Variants in DNAJC10 observed in about 807,000 individuals in gnomAD.
DNAJC10 encodes endoplasmic reticulum disulfide reductase DNAJC10.
In DNAJC10, 101 loss-of-function variants were observed where a neutral mutation model predicts 115.0. The ratio of observed to expected loss-of-function variants is 0.88; its 90% CI spans 0.75 to 1.04. The LOEUF (loss-of-function observed/expected upper bound fraction) is 1.04, where lower values mean the gene tolerates loss of function less well. Ranked by LOEUF, DNAJC10 falls within the 50% of genes least tolerant of loss-of-function variation. DNAJC10 has a pLI of 0.00. For synonymous variants in DNAJC10, 307 were observed against 301.5 expected (o/e 1.02, Z -0.19); for missense variants, 981 against 928.8 (o/e 1.06, Z -0.73).
At chr2:182,720,462 G>GT (rs1693122901) in intron 4 of DNAJC10, among the ~76,000 whole-genome samples, 1 of 152,122 alleles carries the variant, frequency 6.6e-6, no homozygotes, top group Admixed American at 6.5e-5. Context: ...ACAATGGATT[G>GT]TATGTAGGAC....
At chr2:182,733,371 C>T (rs570383382) in intron 10 of DNAJC10, among the ~76,000 whole-genome samples, 35 of 151,798 alleles carry the variant, frequency 2.3e-4, no homozygotes, top group Non-Finnish European at 4.3e-4. Context: ...TTATTTCACC[C>T]TATGCCTAGG....
Position 182,779,893 on chromosome 2 carries a change from A to G in DNAJC10, c.*2761A>G, listed in dbSNP as rs1694804653. 1 of 152,196 alleles carries G rather than the reference A, an allele frequency of 6.6e-6. No homozygotes were observed. Among genetic ancestry groups the G allele is most frequent in the African/African-American group, 2.4e-5 (1 of 41,444 alleles). 9.4% of individuals were successfully genotyped at this position (152,196 alleles called of 1,614,324 possible). A position where few individuals can be genotyped will look rare whatever the true frequency, so the allele number is the denominator to read the frequency against. The stretch of plus-strand genomic sequence containing the variant: ...AGGGTAGCACTTTTAAGTCATTTGA[A>G]TAGAATATTTGTGTAATATTTAGTC... On this transcript the variant is annotated 3_prime_UTR_variant, in exon 24 of 24. Coordinates refer to ENST00000264065, the MANE Select transcript of DNAJC10 (RefSeq NM_018981.4).
rs1458679460 is a variant in DNAJC10, at chr2:182,767,677, G to T, written c.2265+4876G>T. ...AGCTGAGCAGGGCCGGTGAGGGGGT[G>T]GGGGGCAGCTCTTCTAAGAGAGTCC... On this transcript the variant is annotated intron_variant, in intron 22 of 23. Coordinates refer to ENST00000264065, the MANE Select transcript of DNAJC10 (RefSeq NM_018981.4). Among the ~76,000 whole-genome samples the T allele has an allele frequency of 1.1e-4, 17 of 152,120 alleles. No homozygotes were observed. In the East Asian group the frequency reaches 3.1e-3, roughly 28 times the overall value.
At chr2:182,756,830 G>A (rs1381866881) in intron 18 of DNAJC10, among the ~76,000 whole-genome samples, 1 of 152,086 alleles carries the variant, frequency 6.6e-6, no homozygotes, top group Admixed American at 6.5e-5. Flanking sequence ...GTAGAAACAG[G>A]GTTTTGCCAT....
chr2:182,728,432 A>G, intron 5 of DNAJC10, 144 bp from the exon 6 acceptor site: 3 of 549,788 alleles, frequency 5.5e-6, no homozygotes, highest in Non-Finnish European at 9.2e-6. Flanking sequence ...AAGATATAGA[A>G]AAACATCACA....
At chr2:182,760,096 C>T (rs576366487) in intron 21 of DNAJC10, among the ~76,000 whole-genome samples, 12 of 152,168 alleles carry the variant, frequency 7.9e-5, no homozygotes, top group Non-Finnish European at 1.5e-4. Context: ...CTCTATTGTC[C>T]ACCTCACACC....
intron 10 of DNAJC10, 140 bp downstream of exon 10, chr2:182,732,682 T>C (rs1693481776): frequency 1.3e-6 from 1 of 751,316 alleles, no homozygotes; most frequent in Non-Finnish European, 2.2e-6. Context: ...ACTGTATTCA[T>C]AGCTATGTGT....
chr2:182,761,262 G>T (rs1694278419), intron 21 of DNAJC10, among the ~76,000 whole-genome samples: 2 of 152,232 alleles, frequency 1.3e-5, no homozygotes, highest in South Asian at 4.1e-4. Context: ...AGGATGTTTA[G>T]AGCACCAGAA....
chr2:182,738,704 C>G (rs966689691), intron 11 of DNAJC10, among the ~76,000 whole-genome samples: 2 of 152,078 alleles, frequency 1.3e-5, no homozygotes, highest in African/African-American at 4.8e-5. Context: ...CCACACCCAG[C>G]TAATTTTTTG....
At chr2:182,740,269 A>G (rs569454084) in intron 11 of DNAJC10, 30 bp from the exon 12 acceptor site, 2 of 1,323,918 alleles carry the variant, frequency 1.5e-6, no homozygotes, top group South Asian at 1.7e-5. Context: ...ATTTATTCAA[A>G]AAGATTACAA....
At chr2:182,740,260 T>C (rs552797971) in intron 11 of DNAJC10, 39 bp from the exon 12 acceptor site, 2 of 1,291,564 alleles carry the variant, frequency 1.5e-6, no homozygotes, top group South Asian at 3.5e-5. Context: ...ATAATGAATA[T>C]TTATTCAAAA....
chr2:182,742,555 C>T (rs1421556824), intron 13 of DNAJC10, among the ~76,000 whole-genome samples: 1 of 152,124 alleles, frequency 6.6e-6, no homozygotes, highest in Non-Finnish European at 1.5e-5. Context: ...TACTAGAGTC[C>T]TCCAGAAAGT....
intron 22 of DNAJC10, among the ~76,000 whole-genome samples, chr2:182,765,843 G>A (rs114626366): frequency 3.3e-5 from 5 of 152,304 alleles, no homozygotes; most frequent in African/African-American, 1.2e-4. Context: ...TATGCAAATC[G>A]AGCACTAAGC....
chr2:182,757,885 G>C, intron 19 of DNAJC10, 60 bp downstream of exon 19: 2 of 995,738 alleles, frequency 2.0e-6, no homozygotes, highest in Admixed American at 2.8e-5. Flanking sequence ...ACACTTAACA[G>C]TTAAGTTACC....
intron 8 of DNAJC10, among the ~76,000 whole-genome samples, chr2:182,730,164 A>G (rs1693405001): frequency 6.6e-6 from 1 of 152,200 alleles, no homozygotes; most frequent in African/African-American, 2.4e-5. Context: ...GGAAATGGAT[A>G]TGAGATAGGG....
intron 14 of DNAJC10, among the ~76,000 whole-genome samples, chr2:182,751,342 G>T (rs1694012448): frequency 6.6e-6 from 1 of 151,746 alleles, no homozygotes; most frequent in Non-Finnish European, 1.5e-5. Context: ...CACCATGTTG[G>T]CCAGGATGGT....
intron 11 of DNAJC10, among the ~76,000 whole-genome samples, chr2:182,736,775 A>G (rs1693595343): frequency 6.6e-6 from 1 of 152,016 alleles, no homozygotes; most frequent in South Asian, 2.1e-4. Flanking sequence ...TTGAGATGGA[A>G]TCTCACTCTT....
intron 7 of DNAJC10, 88 bp from the exon 8 acceptor site, chr2:182,729,760 A>T: frequency 2.6e-6 from 2 of 782,068 alleles, no homozygotes; most frequent in Non-Finnish European, 4.1e-6. Context: ...ATTCAAGATA[A>T]TGTAAAAATC....
intron 18 of DNAJC10, among the ~76,000 whole-genome samples, chr2:182,756,776 T>A (rs1239944320): frequency 6.6e-6 from 1 of 152,056 alleles, no homozygotes; most frequent in East Asian, 1.9e-4. Context: ...GTAGCTGGGA[T>A]TACAGGCATG....
Sources: allele counts gnomAD v4.1 joint callset (sites outside exome capture counted in the v4.1 genomes callset), GRCh38; gene constraint gnomAD v4.1.1; transcripts MANE v1.5; gene names NCBI Gene and HGNC (gene_info 2026-07-23, HGNC 2026-07-21).